The following ATP11C variants were observed in gnomAD, a reference collection of about 807,000 sequenced individuals.
ATP11C encodes phospholipid-transporting ATPase IG.
ATP11C carries 36 observed loss-of-function variants against 97.4 expected under a neutral mutation model. The observed-to-expected ratio is 0.37, with a 90% CI of 0.28 to 0.49. The LOEUF is 0.49. Among genes scored for constraint, ATP11C ranks in the 20% least tolerant of loss-of-function variants. The pLI is 0.98. For synonymous variants in ATP11C, 275 were observed against 290.9 expected, an observed-to-expected ratio of 0.95 and a Z score of 0.56; for missense variants, 730 against 824.6, an observed-to-expected ratio of 0.89 and a Z score of 1.40.
rs750497013 is a variant in ATP11C, at chrX:139,789,370, G to A, written c.1325C>T (p.Ser442Phe). 4 of 1,204,865 alleles carry A rather than the reference G, an allele frequency of 3.3e-6. No individual in the cohort carries two copies. In the African/African-American group the frequency reaches 7.0e-5, roughly 21 times the overall value. ...KGVTQEVDGL[S>F]QTDGTLTYFD... ...ATATGTTAAAGTTCCATCAGTTTGA[G>A]ATAATCCATCAACCTCTTGAGTTAC... Residue 442 changes from serine to phenylalanine, a missense_variant, in exon 13 of 30, where the codon TCT becomes TTT. Coordinates refer to ENST00000682941, the MANE Select transcript of ATP11C (RefSeq NM_001353812.2).
chrX:139,782,241 G>A (rs752948729), intron 18 of ATP11C, among the ~76,000 whole-genome samples: 10 of 108,610 alleles, frequency 9.2e-5, no homozygotes, highest in Admixed American at 5.9e-4. Flanking sequence ...GCAGGAGAAC[G>A]GCGTGAACCT....
intron 5 of ATP11C, among the ~76,000 whole-genome samples, chrX:139,810,381 G>T (rs1049416635): frequency 1.8e-5 from 2 of 111,645 alleles, no homozygotes; most frequent in African/African-American, 6.5e-5. Flanking sequence ...CTTGAACCCG[G>T]GAGGTGGAGG....
At chrX:139,798,658 T>A in intron 9 of ATP11C, 21 bp downstream of exon 9, 1 of 1,136,997 alleles carries the variant, frequency 8.8e-7, no homozygotes, top group South Asian at 1.9e-5. Flanking sequence ...TTTTGATAGG[T>A]GTATCTTAAA....
chrX:139,819,493 CTGAT>C, intron 2 of ATP11C, 66 bp from the exon 3 acceptor site: 2 of 432,971 alleles, frequency 4.6e-6, no homozygotes, highest in Non-Finnish European at 7.7e-6. Context: ...ATAGTAATGA[CTGAT>C]TATGGGTCCA....
intron 4 of ATP11C, among the ~76,000 whole-genome samples, chrX:139,815,223 T>C (rs2083261307): frequency 8.9e-6 from 1 of 112,289 alleles, no homozygotes; most frequent in Non-Finnish European, 1.9e-5. Flanking sequence ...CTTTAAACAT[T>C]AATGAAAACA....
rs763146752 is a variant in ATP11C, at chrX:139,856,598, G to A, written c.28-29775C>T. 3.0e-4 allele frequency among the ~76,000 whole-genome samples: 34 copies of A among 112,354 alleles called. No individual in the cohort carries two copies. In the Admixed American group the frequency reaches 3.1e-3, roughly 10 times the overall value. ...GAGGAAAAATAAGACATCATAAAGC[G>A]AGAGAAGTACCTTATGGGTCTTTTG... On this transcript the variant is annotated intron_variant, in intron 1 of 29. Coordinates refer to ENST00000682941, the MANE Select transcript of ATP11C (RefSeq NM_001353812.2).
chrX:139,852,336 T>C (rs1475951936), intron 1 of ATP11C, among the ~76,000 whole-genome samples: 2 of 104,439 alleles, frequency 1.9e-5, no homozygotes, highest in African/African-American at 3.4e-5. Flanking sequence ...TGGGATTACA[T>C]TCCCCTCCTG....
chrX:139,753,924 C>T (rs748880778), intron 23 of ATP11C, among the ~76,000 whole-genome samples: 1 of 111,139 alleles, frequency 9.0e-6, no homozygotes, highest in East Asian at 2.8e-4. Context: ...ACTACAGAAA[C>T]AAGAGCAAAC....
intron 17 of ATP11C, 141 bp from the exon 18 acceptor site, chrX:139,782,869 A>G: frequency 2.2e-6 from 1 of 444,944 alleles, no homozygotes; most frequent in South Asian, 5.9e-5. Flanking sequence ...TGAAGAAATT[A>G]CAACTGAAAA....
chrX:139,747,431 G>C (rs1264495477), intron 24 of ATP11C, among the ~76,000 whole-genome samples: 1 of 111,313 alleles, frequency 9.0e-6, no homozygotes, highest in Non-Finnish European at 1.9e-5. Flanking sequence ...CAATCAACAT[G>C]AAGGACAGCA....
At chrX:139,764,325 G>A (rs1272050969) in intron 20 of ATP11C, among the ~76,000 whole-genome samples, 2 of 112,718 alleles carry the variant, frequency 1.8e-5, no homozygotes, top group Non-Finnish European at 3.7e-5. Flanking sequence ...CAAGATATGT[G>A]TACAAAGCCT....
chrX:139,740,925 A>ATAG, intron 27 of ATP11C, 66 bp downstream of exon 27: 1 of 647,573 alleles, frequency 1.5e-6, no homozygotes, highest in African/African-American at 2.2e-5. Context: ...GCTTACATAT[A>ATAG]TAGTGTACAT....
chrX:139,741,053 A>G lies in ATP11C; in HGVS notation c.3072T>C (p.Phe1024=), dbSNP rs1177677582. The G allele has an allele frequency of 1.7e-6, 2 of 1,206,423 alleles. No homozygotes were observed. The highest frequency in any genetic ancestry group is 1.8e-5 in the South Asian group (1 of 56,784). ...AGAAGGCTAAAGAACCCCAAATCACAAAGTGATTTATCCACGTCCAGAATC... is the reference window on the plus strand; with the variant it reads ...AGAAGGCTAAAGAACCCCAAATCACGAAGTGATTTATCCACGTCCAGAATC... The part of the protein sequence containing the change: ...DTRFWTWINH[F]VIWGSLAFYV... The change falls in exon 27 of 30, where the codon TTT becomes TTC. Residue 1024 remains phenylalanine, a synonymous_variant. Coordinates refer to ENST00000682941, the MANE Select transcript of ATP11C (RefSeq NM_001353812.2).
chrX:139,804,516 G>A lies in ATP11C; in HGVS notation c.510C>T (p.Thr170=). ...CAAGACTGGCTGTAGTGACATAACA[G>A]GTTCCATCAGTGGTGCAAGATGATA... ...ILLSSCTTDG[T]CYVTTASLDG... The change falls in exon 6 of 30, where the codon ACC becomes ACT. Residue 170 remains threonine, a synonymous_variant. Transcript: ENST00000682941. 2.5e-6 allele frequency: 3 copies of A among 1,204,443 alleles called. No individual in the cohort carries two copies. Among genetic ancestry groups the A allele is most frequent in the Non-Finnish European group, 3.4e-6 (3 of 889,603 alleles).
intron 1 of ATP11C, among the ~76,000 whole-genome samples, chrX:139,838,947 C>CAA (rs60964664): frequency 1.1e-5 from 1 of 93,253 alleles, no homozygotes; most frequent in Non-Finnish European, 2.2e-5. Context: ...GATTCTGTCT[C>CAA]AAAAAAAAAA....
chrX:139,802,123 A>G, intron 7 of ATP11C, 113 bp downstream of exon 7: 1 of 547,684 alleles, frequency 1.8e-6, no homozygotes, highest in Non-Finnish European at 3.1e-6. Context: ...AATCGCCCAT[A>G]AAAACACAAA....
upstream of ATP11C, among the ~76,000 whole-genome samples, chrX:139,934,374 T>C (rs1475576906): frequency 9.0e-6 from 1 of 110,862 alleles, no homozygotes; most frequent in Non-Finnish European, 1.9e-5. Context: ...TCCCCTCTTA[T>C]GATTCCTTCT....
intron 1 of ATP11C, among the ~76,000 whole-genome samples, chrX:139,867,156 C>G (rs1367792680): frequency 1.4e-4 from 16 of 111,977 alleles, no homozygotes; most frequent in African/African-American, 3.9e-4. Context: ...CAAATATTCA[C>G]TAAGTGCCTA....
intron 24 of ATP11C, among the ~76,000 whole-genome samples, chrX:139,746,216 C>T (rs2081683045): frequency 8.9e-6 from 1 of 111,734 alleles, no homozygotes. Flanking sequence ...ATTACTACCA[C>T]TCACATTTGC....
Sources: allele counts gnomAD v4.1 joint callset (sites outside exome capture counted in the v4.1 genomes callset), GRCh38; gene constraint gnomAD v4.1.1; transcripts MANE v1.5; gene names NCBI Gene and HGNC (gene_info 2026-07-23, HGNC 2026-07-21).